The following PITPNB variants were observed in gnomAD, a reference collection of about 807,000 sequenced individuals.
PITPNB encodes the protein phosphatidylinositol transfer protein beta isoform.
A neutral mutation model predicts 45.9 loss-of-function variants in PITPNB; 16 were observed. That is an observed-to-expected ratio of 0.35 (90% confidence interval 0.24 to 0.53). The LOEUF is 0.53. PITPNB is among the 20% of genes least tolerant of loss of function. The pLI is 0.93. For synonymous variants in PITPNB, 112 were observed against 108.9 expected, an observed-to-expected ratio of 1.03 and a Z score of -0.18; for missense variants, 188 against 330.5, an observed-to-expected ratio of 0.57 and a Z score of 3.34.
rs189777486 is a variant in PITPNB, at chr22:27,913,032, G to A, written c.51+1285C>T. Among the ~76,000 whole-genome samples the A allele has an allele frequency of 2.8e-4, 40 of 144,906 alleles. No homozygotes were observed. The East Asian group carries it at 5.6e-3, about 20-fold the overall frequency. On this transcript the variant is annotated intron_variant, in intron 2 of 11. Coordinates refer to ENST00000335272, the MANE Select transcript of PITPNB (RefSeq NM_012399.5). ...GGGGGGGGGAGTATAACAAAAAGCC[G>A]AGAACAGTATTTTCAGTGACAATAC...
intron 7 of PITPNB, among the ~76,000 whole-genome samples, chr22:27,881,025 G>A (rs1242858070): frequency 6.6e-6 from 1 of 152,172 alleles, no homozygotes; most frequent in Non-Finnish European, 1.5e-5. Context: ...GAATATAGTG[G>A]ACATTCTCTA....
At chr22:27,866,313 T>C (rs1934483363) in intron 8 of PITPNB, among the ~76,000 whole-genome samples, 1 of 152,204 alleles carries the variant, frequency 6.6e-6, no homozygotes, top group African/African-American at 2.4e-5. Context: ...TAACTGTAAA[T>C]GAAACTCCCA....
intron 7 of PITPNB, among the ~76,000 whole-genome samples, chr22:27,893,225 AAAGT>A (rs1179003576): frequency 1.3e-5 from 2 of 152,174 alleles, no homozygotes; most frequent in Non-Finnish European, 2.9e-5. Context: ...AGCACACTAT[AAAGT>A]AAGAACCACA....
chr22:27,915,229 G>A (rs192911907), intron 1 of PITPNB, among the ~76,000 whole-genome samples: 176 of 152,192 alleles, frequency 1.2e-3, no homozygotes, highest in Non-Finnish European at 1.7e-3. Context: ...GGGGGTATAC[G>A]ATCCTTCTCA....
Position 27,894,590 on chromosome 22 carries a change from T to C in PITPNB, c.421A>G (p.Ile141Val), listed in dbSNP as rs761417512. 12 of 1,602,990 alleles carry C rather than the reference T, an allele frequency of 7.5e-6. No homozygotes were observed. The highest frequency in any genetic ancestry group is 3.3e-5 in the Admixed American group (2 of 59,994). Residue 141 changes from isoleucine to valine, a missense_variant, in exon 7 of 12, where the codon ATA becomes GTA. Coordinates refer to ENST00000335272, the MANE Select transcript of PITPNB (RefSeq NM_012399.5). Reference sequence around the variant, plus strand: ...ACTTGACTTCTATCTGCAATATCTATATGGACAATTTCAACAGTTTTCCAT... The same window carrying C: ...ACTTGACTTCTATCTGCAATATCTACATGGACAATTTCAACAGTTTTCCAT... ...NTWKTVEIVH[I>V]DIADRSQVEP...
intron 8 of PITPNB, among the ~76,000 whole-genome samples, chr22:27,867,807 T>C (rs1934528921): frequency 6.6e-6 from 1 of 152,208 alleles, no homozygotes; most frequent in Non-Finnish European, 1.5e-5. Context: ...CAACTCTGTC[T>C]GAGAACAGAG....
At chr22:27,873,623 T>C (rs1934734189) in intron 8 of PITPNB, 115 bp downstream of exon 8, 7 of 683,958 alleles carry the variant, frequency 1.0e-5, no homozygotes, top group Non-Finnish European at 1.6e-5. Flanking sequence ...CAAATAAAAC[T>C]ATTTTTGTGC....
chr22:27,918,108 GA>G (rs200659011), intron 1 of PITPNB, among the ~76,000 whole-genome samples: 396 of 151,970 alleles, frequency 2.6e-3, no homozygotes, highest in African/African-American at 8.2e-3. Flanking sequence ...ATCAGGGCAG[GA>G]AAAAAAAGTG....
intron 3 of PITPNB, among the ~76,000 whole-genome samples, chr22:27,907,185 T>G (rs1294530610): frequency 1.3e-5 from 2 of 152,200 alleles, no homozygotes; most frequent in African/African-American, 4.8e-5. Context: ...CAGGGAGAGC[T>G]CTAAAACTAG....
At chr22:27,902,400 T>G (rs1054999927) in intron 3 of PITPNB, among the ~76,000 whole-genome samples, 1 of 152,202 alleles carries the variant, frequency 6.6e-6, no homozygotes, top group Non-Finnish European at 1.5e-5. Flanking sequence ...TTAGATTTTA[T>G]TCTTTGGATG....
chr22:27,875,634 A>AT (rs145199256), intron 7 of PITPNB, among the ~76,000 whole-genome samples: 6,143 of 152,264 alleles, frequency 0.04, 187 homozygotes, highest in South Asian at 0.11. Flanking sequence ...AAGCAAGCTC[A>AT]TTTTCTTTTT....
intron 8 of PITPNB, among the ~76,000 whole-genome samples, chr22:27,862,643 ATGTATG>A (rs1934372827): frequency 6.6e-6 from 1 of 152,168 alleles, no homozygotes; most frequent in Non-Finnish European, 1.5e-5. Context: ...AAAATTCAGG[ATGTATG>A]TGTATGTGTA....
intron 7 of PITPNB, among the ~76,000 whole-genome samples, chr22:27,883,512 A>G (rs1349318991): frequency 1.3e-5 from 2 of 152,266 alleles, no homozygotes; most frequent in African/African-American, 4.8e-5. Context: ...CATGCGCAGG[A>G]ATGGCCTGGA....
In PITPNB at chr22:27,860,146, T is replaced by C. The variant is rs1934283548; in HGVS notation, c.630A>G (p.Glu210=). 2 of 1,608,202 alleles carry C rather than the reference T, an allele frequency of 1.2e-6. No individual in the cohort carries two copies. Among genetic ancestry groups the C allele is most frequent in the Admixed American group, 1.7e-5 (1 of 59,996 alleles). ...CAGATTTTACCTTTTGAATGAAGTTTTCTACTTTGCTTTGCAGTCCCCACC... is the reference window on the plus strand; with the variant it reads ...CAGATTTTACCTTTTGAATGAAGTTCTCTACTTTGCTTTGCAGTCCCCACC... ...FKWWGLQSKV[E]NFIQKQEKRI... is the part of the protein sequence containing the mutation. The change falls in exon 9 of 12, where the codon GAA becomes GAG. Residue 210 remains glutamate (E), a synonymous_variant. Transcript: ENST00000335272.
chr22:27,892,195 A>C (rs532112435), intron 7 of PITPNB, among the ~76,000 whole-genome samples: 1 of 152,266 alleles, frequency 6.6e-6, no homozygotes, highest in Non-Finnish European at 1.5e-5. Context: ...TCATGCATCC[A>C]GTGCCTCCTC....
chr22:27,867,491 C>T (rs1826770632), intron 8 of PITPNB, among the ~76,000 whole-genome samples: 1 of 152,102 alleles, frequency 6.6e-6, no homozygotes, highest in South Asian at 2.1e-4. Context: ...AAATAAGATC[C>T]AGACAGGAAA....
intron 7 of PITPNB, among the ~76,000 whole-genome samples, chr22:27,878,339 AAAT>A (rs1285765275): frequency 2.0e-5 from 3 of 152,246 alleles, no homozygotes; most frequent in African/African-American, 7.2e-5. Flanking sequence ...CAAGCTGACA[AAAT>A]TCAAGCGAGA....
rs1934027702 is a variant in PITPNB, at chr22:27,851,800, GTTAGAAA to G, written c.*1895_*1901del. 1 of 152,190 alleles carries G rather than the reference GTTAGAAA, an allele frequency of 6.6e-6. No homozygotes were observed. Among genetic ancestry groups the G allele is most frequent in the Non-Finnish European group, 1.5e-5 (1 of 68,032 alleles). 9.4% of individuals were successfully genotyped at this position (152,190 alleles called of 1,614,324 possible). On this transcript the variant is annotated 3_prime_UTR_variant, in exon 12 of 12. Coordinates refer to ENST00000335272, the MANE Select transcript of PITPNB (RefSeq NM_012399.5). ...CACATTCCCTCAAATCTCCACAGTT[GTTAGAAA>G]AACATTAAAATCCATGCGCCGGGCT...
chr22:27,859,434 TATAATA>T (rs1309970507), intron 9 of PITPNB, among the ~76,000 whole-genome samples: 2 of 151,652 alleles, frequency 1.3e-5, no homozygotes, highest in Admixed American at 6.6e-5. Context: ...AGGGCTTCTT[TATAATA>T]ATAACAGAAT....
Sources: gnomAD v4.1 joint callset for allele counts (sites outside exome capture counted in the v4.1 genomes callset) on GRCh38, gnomAD v4.1.1 for gene constraint, MANE v1.5 for transcripts, NCBI Gene and HGNC (gene_info 2026-07-23, HGNC 2026-07-21) for gene names.